Variants in DPP10 observed in about 807,000 individuals in gnomAD.
The protein encoded by DPP10 is dipeptidyl peptidase like 10.
DPP10 carries 33 observed loss-of-function variants against 120.9 expected under a neutral mutation model. That is an observed-to-expected ratio of 0.27 (90% CI 0.21 to 0.37). DPP10 has a LOEUF of 0.37. DPP10 is among the 10% of genes least tolerant of loss of function. DPP10 has a pLI of 1.00. For synonymous variants in DPP10, 337 were observed against 326.1 expected (o/e 1.03, Z -0.36); for missense variants, 816 against 942.8 (o/e 0.87, Z 1.76).
chr2:115,231,075 A>T (rs950757237), intron 1 of DPP10, among the ~76,000 whole-genome samples: 1 of 152,074 alleles, frequency 6.6e-6, no homozygotes, highest in Non-Finnish European at 1.5e-5. Context: ...GAACTAGATT[A>T]CATTCTTCCC....
chr2:115,108,810 T>C (rs1161042802), intron 1 of DPP10, among the ~76,000 whole-genome samples: 1 of 152,192 alleles, frequency 6.6e-6, no homozygotes, highest in Admixed American at 6.5e-5. Context: ...ACTGACAATG[T>C]TATTGCGGCA....
intron 1 of DPP10, among the ~76,000 whole-genome samples, chr2:115,273,306 T>C (rs2059776666): frequency 1.3e-5 from 2 of 152,106 alleles, no homozygotes; most frequent in Non-Finnish European, 2.9e-5. Context: ...TATACCGTTT[T>C]TTCAGAGTTT....
intron 1 of DPP10, among the ~76,000 whole-genome samples, chr2:114,571,944 A>G (rs563985412): frequency 4.7e-5 from 7 of 148,644 alleles, no homozygotes; most frequent in African/African-American, 1.7e-4. Flanking sequence ...AGTATATAAT[A>G]TTTATACTAC....
At chr2:114,964,469 T>C (rs1366168111) in intron 1 of DPP10, among the ~76,000 whole-genome samples, 2 of 151,764 alleles carry the variant, frequency 1.3e-5, no homozygotes, top group Non-Finnish European at 2.9e-5. Context: ...TGTGGGGGTA[T>C]TGAAATTTTG....
intron 1 of DPP10, among the ~76,000 whole-genome samples, chr2:114,495,271 T>C (rs929470155): frequency 5.3e-5 from 8 of 152,190 alleles, no homozygotes; most frequent in Admixed American, 1.3e-4. Context: ...TTCATTTTGC[T>C]TCAAAGTCCA....
intron 1 of DPP10, among the ~76,000 whole-genome samples, chr2:115,283,045 C>A (rs1349441476): frequency 6.6e-6 from 1 of 151,854 alleles, no homozygotes; most frequent in Non-Finnish European, 1.5e-5. Flanking sequence ...ATGTATCATT[C>A]TTGGATTAGA....
At chr2:115,447,763 G>A (rs1411809500) in intron 3 of DPP10, among the ~76,000 whole-genome samples, 1 of 152,158 alleles carries the variant, frequency 6.6e-6, no homozygotes. Flanking sequence ...AGAACTCTGC[G>A]TCAATTAAAC....
intron 1 of DPP10, among the ~76,000 whole-genome samples, chr2:115,288,548 T>A (rs2060500196): frequency 6.6e-6 from 1 of 151,766 alleles, no homozygotes; most frequent in Admixed American, 6.6e-5. Flanking sequence ...TGAAACGCTA[T>A]CTCTATTTAA....
chr2:115,382,400 C>T (rs1003676883), intron 3 of DPP10, among the ~76,000 whole-genome samples: 6 of 152,202 alleles, frequency 3.9e-5, no homozygotes, highest in African/African-American at 1.4e-4. Context: ...TGAGGCAATG[C>T]CTCGCCCTGC....
intron 1 of DPP10, among the ~76,000 whole-genome samples, chr2:115,196,562 A>G (rs902393524): frequency 6.6e-5 from 10 of 152,222 alleles, no homozygotes; most frequent in African/African-American, 2.4e-4. Context: ...GCACTGACCC[A>G]TAATAGCTAA....
At chr2:115,330,694 C>A (rs1168408291) in intron 2 of DPP10, among the ~76,000 whole-genome samples, 1 of 152,002 alleles carries the variant, frequency 6.6e-6, no homozygotes, top group African/African-American at 2.4e-5. Context: ...AATAGGGAAT[C>A]CTTTCCCCAT....
intron 3 of DPP10, among the ~76,000 whole-genome samples, chr2:115,360,147 G>A (rs2064672306): frequency 6.6e-6 from 1 of 152,200 alleles, no homozygotes; most frequent in Non-Finnish European, 1.5e-5. Flanking sequence ...TGGAGTGCTA[G>A]TGTGATTGTT....
intron 3 of DPP10, among the ~76,000 whole-genome samples, chr2:115,449,729 A>G (rs2072943715): frequency 6.6e-6 from 1 of 152,076 alleles, no homozygotes; most frequent in Non-Finnish European, 1.5e-5. Flanking sequence ...GAATTAGAAA[A>G]TTATTCCCAC....
chr2:115,824,132 T>C (rs1024085649), intron 21 of DPP10, among the ~76,000 whole-genome samples: 9 of 152,144 alleles, frequency 5.9e-5, no homozygotes, highest in African/African-American at 1.9e-4. Flanking sequence ...AGATACATCA[T>C]ACTGATATAT....
intron 3 of DPP10, among the ~76,000 whole-genome samples, chr2:115,415,936 A>G (rs551491393): frequency 6.7e-6 from 1 of 149,010 alleles, no homozygotes; most frequent in Non-Finnish European, 1.5e-5. Flanking sequence ...GAATATTTAC[A>G]TGAAATTTTT....
intron 3 of DPP10, among the ~76,000 whole-genome samples, chr2:115,400,529 C>T (rs1273821969): frequency 1.3e-5 from 2 of 151,780 alleles, no homozygotes; most frequent in African/African-American, 4.8e-5. Context: ...CTTATACCCA[C>T]CATAATATCA....
intron 5 of DPP10, among the ~76,000 whole-genome samples, chr2:115,629,930 C>A (rs11896074): frequency 0.011 from 1,722 of 152,212 alleles, 29 homozygotes; most frequent in African/African-American, 0.04. Context: ...TTTTCCAATT[C>A]TGTGAAGAAT....
At chr2:115,330,889 G>A (rs2062684787) in intron 2 of DPP10, among the ~76,000 whole-genome samples, 1 of 152,082 alleles carries the variant, frequency 6.6e-6, no homozygotes, top group South Asian at 2.1e-4. Flanking sequence ...TTTTGGCTTA[G>A]GATTGTCTTG....
At chr2:114,877,827 A>G (rs1450713609) in intron 1 of DPP10, among the ~76,000 whole-genome samples, 1 of 151,958 alleles carries the variant, frequency 6.6e-6, no homozygotes, top group East Asian at 1.9e-4. Context: ...GCTCTTCTGC[A>G]CACCATATGA....
Sources: allele counts gnomAD v4.1 joint callset (sites outside exome capture counted in the v4.1 genomes callset), GRCh38; gene constraint gnomAD v4.1.1; transcripts MANE v1.5; gene names NCBI Gene and HGNC (gene_info 2026-07-23, HGNC 2026-07-21).